Variants in SLC12A4 observed in about 807,000 individuals in gnomAD.
SLC12A4 encodes the protein electroneutral potassium-chloride cotransporter 1.
Under a neutral mutation model 119.2 loss-of-function variants are expected in SLC12A4, and 84 were observed. The ratio of observed to expected loss-of-function variants is 0.70; its 90% CI spans 0.59 to 0.85. The LOEUF (loss-of-function observed/expected upper bound fraction) is 0.85. Ranked by LOEUF, SLC12A4 falls within the 40% of genes least tolerant of loss-of-function variation. The probability of loss-of-function intolerance (pLI) is 0.00; values close to 1 mark genes in which losing one functional copy is unlikely to be tolerated. For missense variants in SLC12A4, 1,298 were observed against 1,476.3 expected, an observed-to-expected ratio of 0.88 and a Z score of 1.98; for synonymous variants, 599 against 604.6, an observed-to-expected ratio of 0.99 and a Z score of 0.14.
chr16:67,944,525 G>A lies in SLC12A4; in HGVS notation c.*315C>T. On this transcript the variant is annotated 3_prime_UTR_variant, in exon 24 of 24. Coordinates refer to ENST00000316341, the MANE Select transcript of SLC12A4 (RefSeq NM_005072.5). This position sits in a 1 kb window ranked among gnomAD's most constrained non-coding sequence, Gnocchi z 6.6. ...CCAAACAATAAATATGCAATAAATA[G>A]CGCTCCTGGGCTGGGCCGGGCCGGC... The A allele has an allele frequency of 7.9e-7, 1 of 1,264,020 alleles. No individual in the cohort carries two copies. The highest frequency in any genetic ancestry group is 1.0e-6 in the Non-Finnish European group (1 of 1,002,596). 78.3% of individuals were successfully genotyped at this position (1,264,020 alleles called of 1,614,324 possible).
In SLC12A4 at chr16:67,963,568, A is replaced by G; in HGVS notation, c.116-9T>C. ...TCTGTGGTTGCCATGTCCTGTGAAG[A>G]GAGAGGGACAATCAGGGCCTGCTTC... is the stretch of plus-strand genomic sequence containing the variant. On this transcript the variant is annotated splice_polypyrimidine_tract_variant and intron_variant, in intron 1 of 23. Coordinates refer to ENST00000316341, the MANE Select transcript of SLC12A4 (RefSeq NM_005072.5). The G allele has an allele frequency of 6.4e-7, 1 of 1,552,834 alleles. No individual in the cohort carries two copies.
chr16:67,947,981 C>A lies in SLC12A4; in HGVS notation c.1847+80G>T, dbSNP rs987706287. ...CCTCCCCACAGTGTTTCAAGAGCTC[C>A]CTACCCAGGAAACCCAAGCCTCACC... On this transcript the variant is annotated intron_variant, in intron 14 of 23. Coordinates refer to ENST00000316341, the MANE Select transcript of SLC12A4 (RefSeq NM_005072.5). 3.9e-6 allele frequency: 6 copies of A among 1,525,302 alleles called. No individual in the cohort carries two copies. In the African/African-American group the frequency reaches 8.2e-5, roughly 21 times the overall value. The allele number at this position is 1,525,302 out of a possible 1,614,324, so 94.5% of individuals were successfully genotyped here. A position where few individuals can be genotyped will look rare whatever the true frequency, so the allele number is the denominator to read the frequency against.
In SLC12A4 at chr16:67,946,583, C is replaced by G; in HGVS notation, c.2292G>C (p.Val764=). 6.2e-7 allele frequency: 1 copy of G among 1,613,182 alleles called. No homozygotes were observed. The change falls in exon 18 of 24, where the codon GTG becomes GTC. Residue 764 remains valine, a synonymous_variant. Transcript: ENST00000316341. ...CCTCCCGCACCTTGCTGGCCACCAC[C>G]ACCTGGCAGAAGCCCTTCACCTTCT... ...EIEKVKGFCQ[V]VVASKVREGL...
Position 67,948,178 on chromosome 16 carries a change from T to G in SLC12A4, c.1749-19A>C. The stretch of plus-strand genomic sequence containing the variant: ...AAAGAACCTGCGGCACAGAGGGCGG[T>G]TGGCGAAGAGCAGCCTCCTCGGCAG... On this transcript the variant is annotated intron_variant, in intron 13 of 23. Transcript: ENST00000316341. 4 of 1,612,156 alleles carry G rather than the reference T, an allele frequency of 2.5e-6. No homozygotes were observed. The highest frequency in any genetic ancestry group is 3.4e-6 in the Non-Finnish European group (4 of 1,179,220).
Position 67,944,988 on chromosome 16 carries a change from C to A in SLC12A4, c.3167-57G>T. On this transcript the variant is annotated intron_variant, in intron 23 of 23. Coordinates refer to ENST00000316341, the MANE Select transcript of SLC12A4 (RefSeq NM_005072.5). This position sits in a 1 kb window ranked among gnomAD's most constrained non-coding sequence, Gnocchi z 6.6. ...AGAATCAACGGGCAACCCGGGCCAC[C>A]TGGGCCATGCCCACCCAGGGGTGCC... is the stretch of plus-strand genomic sequence containing the variant. 1 of 1,611,172 alleles carries A rather than the reference C, an allele frequency of 6.2e-7. No homozygotes were observed. Among genetic ancestry groups the A allele is most frequent in the Non-Finnish European group, 8.5e-7 (1 of 1,178,534 alleles).
In SLC12A4 at chr16:67,950,289, C is replaced by G; in HGVS notation, c.1629+30G>C. ...AGCCGGGCGAGGGCCTGGGAGCAGCCAGGCCATGGGGGAGTGCAGAGGGGC... is the reference window on the plus strand; with the variant it reads ...AGCCGGGCGAGGGCCTGGGAGCAGCGAGGCCATGGGGGAGTGCAGAGGGGC... On this transcript the variant is annotated intron_variant, in intron 12 of 23. Transcript: ENST00000316341. The surrounding 1 kb of genome is among the most constrained non-coding windows in gnomAD (Gnocchi z 4.3). 3 of 1,604,010 alleles carry G rather than the reference C, an allele frequency of 1.9e-6. No individual in the cohort carries two copies. The highest frequency in any genetic ancestry group is 2.6e-6 in the Non-Finnish European group (3 of 1,174,162).
At chr16:67,947,543 G>C (rs1483395620) in intron 15 of SLC12A4, 108 bp from the exon 16 acceptor site, 3 of 1,494,738 alleles carry the variant, frequency 2.0e-6, no homozygotes, top group Non-Finnish European at 2.7e-6. Flanking sequence ...CAGGGGTCCT[G>C]AGTTACAGTC....
At position 67,948,012 on chromosome 16, in the gene SLC12A4, T is replaced by C. The variant is rs762379878; in HGVS notation, c.1847+49A>G. On this transcript the variant is annotated intron_variant, in intron 14 of 23. Coordinates refer to ENST00000316341, the MANE Select transcript of SLC12A4 (RefSeq NM_005072.5). ...CAGGAAACCCAAGCCTCACCCAGAA[T>C]GAGGCTCCTGGCCTCCCCAGGGTCT... The C allele has an allele frequency of 2.5e-6, 4 of 1,590,104 alleles. No homozygotes were observed. The South Asian group carries it at 4.4e-5, about 18-fold the overall frequency.
At position 67,952,044 on chromosome 16, in the gene SLC12A4, G is replaced by A. The variant is rs779051749; in HGVS notation, c.918-7C>T. ...GTTGCCCAGCATGCATACCCTGTGA[G>A]GGACAGAAGCACCGGCACCTGCTCA... On this transcript the variant is annotated splice_polypyrimidine_tract_variant and splice_region_variant and intron_variant, in intron 7 of 23. Transcript: ENST00000316341. 1.2e-6 allele frequency: 2 copies of A among 1,612,842 alleles called. No homozygotes were observed. Among genetic ancestry groups the A allele is most frequent in the Middle Eastern group, 1.7e-4 (1 of 6,044 alleles).
intron 5 of SLC12A4, chr16:67,957,529 TGGTATTGC>T: frequency 1.7e-6 from 1 of 595,738 alleles, no homozygotes; most frequent in African/African-American, 1.9e-5. Flanking sequence ...TTTTCTTTTT[TGGTATTGC>T]TTTTATATTA....
intron 3 of SLC12A4, among the ~76,000 whole-genome samples, chr16:67,961,329 C>T (rs1019903721): frequency 6.6e-6 from 1 of 152,154 alleles, no homozygotes; most frequent in Admixed American, 6.5e-5. Flanking sequence ...AGGCTGAGTA[C>T]AGGCAGCTGT....
chr16:67,951,820 C>G lies in SLC12A4; in HGVS notation c.1132+3G>C. The G allele has an allele frequency of 6.2e-7, 1 of 1,609,846 alleles. No individual in the cohort carries two copies. The highest frequency in any genetic ancestry group is 1.1e-5 in the South Asian group (1 of 90,622). On this transcript the variant is annotated splice_donor_region_variant and intron_variant, in intron 8 of 23. Transcript: ENST00000316341. The surrounding 1 kb of genome is among the most constrained non-coding windows in gnomAD (Gnocchi z 5.2). Reference sequence around the variant, plus strand: ...GAGCAAGACGACGGGAGGGAGGACCCACCCTGGAGCACACCAGCAGCTGCC... The same window carrying G: ...GAGCAAGACGACGGGAGGGAGGACCGACCCTGGAGCACACCAGCAGCTGCC...
rs1567410624 is a variant in SLC12A4 at position 67,944,307 on chromosome 16, C to G, written c.*533G>C. On this transcript the variant is annotated 3_prime_UTR_variant, in exon 24 of 24. Coordinates refer to ENST00000316341, the MANE Select transcript of SLC12A4 (RefSeq NM_005072.5). This position sits in a 1 kb window ranked among gnomAD's most constrained non-coding sequence, Gnocchi z 6.6. ...CTTCTTCTCTTGGCGCCAGGGGAAA[C>G]AGAGCCGGGGCAGCAGGAGGCCCAG... 9 of 1,409,668 alleles carry G rather than the reference C, an allele frequency of 6.4e-6. No homozygotes were observed. The highest frequency in any genetic ancestry group is 1.6e-5 in the South Asian group (1 of 62,358). 87.3% of individuals were successfully genotyped at this position (1,409,668 alleles called of 1,614,324 possible).
intron 23 of SLC12A4, 70 bp downstream of exon 23, chr16:67,945,017 G>T: frequency 6.2e-7 from 1 of 1,601,078 alleles, no homozygotes; most frequent in South Asian, 1.1e-5. Context: ...GGGTGCCCAG[G>T]AGAGAAGCCG....
chr16:67,949,822 T>C lies in SLC12A4; in HGVS notation c.1726A>G (p.Met576Val), dbSNP rs749137904. ...ELGILIASLD[M>V]VAPILSMFFL... ...CACATGGATAAGATGGGGGCCACCA[T>C]GTCGAGGGAGGCGATGAGGATGCCC... Residue 576 changes from methionine to valine, a missense_variant, in exon 13 of 24, where the codon ATG (methionine) becomes GTG (valine). Coordinates refer to ENST00000316341, the MANE Select transcript of SLC12A4 (RefSeq NM_005072.5). The surrounding 1 kb of genome is among the most constrained non-coding windows in gnomAD (Gnocchi z 4.6). 5.0e-5 allele frequency: 80 copies of C among 1,609,078 alleles called. 1 individual carries two copies. In the South Asian group the frequency reaches 8.4e-4, roughly 17 times the overall value.
chr16:67,964,030 C>T lies in SLC12A4; in HGVS notation c.116-471G>A, dbSNP rs1270734091. 4 of 1,550,748 alleles carry T rather than the reference C, an allele frequency of 2.6e-6. No homozygotes were observed. In the African/African-American group the frequency reaches 4.1e-5, roughly 16 times the overall value. On this transcript the variant is annotated intron_variant, in intron 1 of 23. Transcript: ENST00000316341. ...CACACAGCACCTTCGGCTGCCATGG[C>T]CCAAAGGTGGCCGGCTGGCTACCCC...
chr16:67,963,848 C>G, intron 1 of SLC12A4: 1 of 1,516,724 alleles, frequency 6.6e-7, no homozygotes, highest in Non-Finnish European at 8.9e-7. Context: ...AGGGACGGGG[C>G]CTGCAGAGGG....
rs1487750917 is a variant in SLC12A4, at chr16:67,952,056, C to T, written c.918-19G>A. The T allele has an allele frequency of 6.2e-7, 1 of 1,611,748 alleles. No individual in the cohort carries two copies. Among genetic ancestry groups the T allele is most frequent in the African/African-American group, 1.3e-5 (1 of 75,020 alleles). ...GCATACCCTGTGAGGGACAGAAGCACCGGCACCTGCTCAGGTCAAAGCCCC... is the reference window on the plus strand; with the variant it reads ...GCATACCCTGTGAGGGACAGAAGCATCGGCACCTGCTCAGGTCAAAGCCCC... On this transcript the variant is annotated intron_variant, in intron 7 of 23. Coordinates refer to ENST00000316341, the MANE Select transcript of SLC12A4 (RefSeq NM_005072.5).
chr16:67,961,489 TCAC>T, intron 3 of SLC12A4, 83 bp downstream of exon 3: 1 of 1,545,956 alleles, frequency 6.5e-7, no homozygotes, highest in Non-Finnish European at 8.7e-7. Flanking sequence ...CCCAGTGTGC[TCAC>T]CACCATGTGG....
Sources: gnomAD v4.1 joint callset for allele counts (sites outside exome capture counted in the v4.1 genomes callset) on GRCh38, gnomAD v4.1.1 for gene constraint, Gnocchi (gnomAD v3.1) non-coding constraint, MANE v1.5 for transcripts, NCBI Gene and HGNC (gene_info 2026-07-23, HGNC 2026-07-21) for gene names.